SNX3: variants seen among roughly 807,000 people sequenced by gnomAD.
SNX3 encodes the protein sorting nexin-3.
Under a neutral mutation model 17.7 loss-of-function variants are expected in SNX3, and 5 were observed. The observed-to-expected ratio is 0.28, with a 90% CI of 0.15 to 0.59. SNX3 has a LOEUF of 0.59. Ranked by LOEUF, SNX3 falls within the 20% of genes least tolerant of loss-of-function variation. SNX3 has a pLI of 0.88. For missense variants in SNX3, 132 were observed against 206.8 expected (o/e 0.64, Z 2.22); for synonymous variants, 91 against 76.5 (o/e 1.19, Z -0.99).
At chr6:108,243,513 C>T (rs1352405990) in intron 1 of SNX3, among the ~76,000 whole-genome samples, 1 of 152,126 alleles carries the variant, frequency 6.6e-6, no homozygotes, top group African/African-American at 2.4e-5. Context: ...GTGTGACATG[C>T]CTCCTTCAAA....
At chr6:108,229,873 A>C (rs1397721901) in intron 1 of SNX3, among the ~76,000 whole-genome samples, 1 of 152,204 alleles carries the variant, frequency 6.6e-6, no homozygotes, top group African/African-American at 2.4e-5. Context: ...ACTACCTGTG[A>C]GCATCAGGAG....
At position 108,260,989 on chromosome 6, in the gene SNX3, C is replaced by T. The variant is rs1022917915; in HGVS notation, c.-68G>A. On this transcript the variant is annotated 5_prime_UTR_variant, in exon 1 of 4. Coordinates refer to ENST00000230085, the MANE Select transcript of SNX3 (RefSeq NM_003795.6). Reference sequence around the variant, plus strand: ...CTCCGCGTTCAGCCGCCGCCGCCGCCGCTGCTGCCCGCCGTGGGGACACGG... The same window carrying T: ...CTCCGCGTTCAGCCGCCGCCGCCGCTGCTGCTGCCCGCCGTGGGGACACGG... The T allele has an allele frequency of 1.5e-4, 196 of 1,283,602 alleles. No individual in the cohort carries two copies. Among genetic ancestry groups the T allele is most frequent in the Admixed American group, 4.0e-4 (11 of 27,522 alleles). The allele number at this position is 1,283,602 out of a possible 1,614,324, so 79.5% of individuals were successfully genotyped here. A position where few individuals can be genotyped will look rare whatever the true frequency, so the allele number is the denominator to read the frequency against.
At chr6:108,222,182 C>G (rs183614747) in intron 2 of SNX3, 1 of 1,297,074 alleles carries the variant, frequency 7.7e-7, no homozygotes, top group African/African-American at 1.5e-5. Context: ...TGAGTACAGA[C>G]TAGCCTTCAT....
At chr6:108,220,685 GAT>G (rs1241636613) in intron 2 of SNX3, among the ~76,000 whole-genome samples, 1 of 152,054 alleles carries the variant, frequency 6.6e-6, no homozygotes, top group East Asian at 1.9e-4. Flanking sequence ...ATAGCCTTAA[GAT>G]ATGTTTTGGG....
intron 2 of SNX3, among the ~76,000 whole-genome samples, chr6:108,219,923 A>G (rs971805111): frequency 3.3e-5 from 5 of 152,160 alleles, no homozygotes; most frequent in Non-Finnish European, 2.9e-5. Flanking sequence ...AAAAATTCCT[A>G]TTGCCTAGAG....
At chr6:108,259,359 G>A (rs1329745019) in intron 1 of SNX3, among the ~76,000 whole-genome samples, 3 of 152,240 alleles carry the variant, frequency 2.0e-5, no homozygotes, top group East Asian at 1.9e-4. Flanking sequence ...TCAGCCTCCC[G>A]AGTAGCTGGG....
chr6:108,214,939 T>C (rs543780594), intron 2 of SNX3, among the ~76,000 whole-genome samples: 23 of 152,302 alleles, frequency 1.5e-4, no homozygotes, highest in African/African-American at 5.1e-4. Flanking sequence ...CCTCAGACAC[T>C]TGTGATGCCA....
intron 1 of SNX3, among the ~76,000 whole-genome samples, chr6:108,254,130 G>GAA (rs36069364): frequency 7.3e-6 from 1 of 137,398 alleles, no homozygotes. Flanking sequence ...CCGTCTCAAA[G>GAA]AAAAAAAAAA....
At chr6:108,240,044 A>C (rs1775469365) in intron 1 of SNX3, among the ~76,000 whole-genome samples, 1 of 152,216 alleles carries the variant, frequency 6.6e-6, no homozygotes, top group African/African-American at 2.4e-5. Flanking sequence ...GGAATAGTAG[A>C]GTGAGCTCAA....
At chr6:108,214,453 G>C in intron 3 of SNX3, 45 bp downstream of exon 3, 1 of 1,583,594 alleles carries the variant, frequency 6.3e-7, no homozygotes, top group Admixed American at 1.9e-5. Context: ...ACTACAAGTA[G>C]TCACTTAAAG....
chr6:108,222,448 T>A, intron 2 of SNX3: 1 of 833,672 alleles, frequency 1.2e-6, no homozygotes, highest in South Asian at 1.6e-5. Flanking sequence ...AACCCATTAG[T>A]GGATCATGGC....
At chr6:108,223,094 C>A in intron 1 of SNX3, 49 bp from the exon 2 acceptor site, 1 of 971,828 alleles carries the variant, frequency 1.0e-6, no homozygotes, top group Non-Finnish European at 1.6e-6. Context: ...AAGGAAACTT[C>A]AAAAAAATGG....
chr6:108,259,297 G>C (rs1051286828), intron 1 of SNX3, among the ~76,000 whole-genome samples: 2 of 152,168 alleles, frequency 1.3e-5, no homozygotes, highest in Admixed American at 6.5e-5. Context: ...GCAATGGCCC[G>C]ATCTAGGCTC....
At chr6:108,217,071 T>C (rs1030856681) in intron 2 of SNX3, among the ~76,000 whole-genome samples, 1 of 152,078 alleles carries the variant, frequency 6.6e-6, no homozygotes, top group East Asian at 1.9e-4. Flanking sequence ...TCTACACAAT[T>C]ATTATTTAAA....
At chr6:108,225,448 C>T (rs940546863) in intron 1 of SNX3, among the ~76,000 whole-genome samples, 2 of 151,584 alleles carry the variant, frequency 1.3e-5, no homozygotes, top group African/African-American at 2.4e-5. Flanking sequence ...CTGGCTAATA[C>T]GGTGAAACCC....
chr6:108,260,537 T>C (rs754714175), intron 1 of SNX3, among the ~76,000 whole-genome samples: 9 of 152,204 alleles, frequency 5.9e-5, no homozygotes, highest in Non-Finnish European at 1.2e-4. Context: ...CGCCCTCCTC[T>C]TCGAGCACCT....
intron 1 of SNX3, among the ~76,000 whole-genome samples, chr6:108,234,220 A>C (rs1313272890): frequency 6.8e-6 from 1 of 147,966 alleles, no homozygotes; most frequent in Non-Finnish European, 1.5e-5. Context: ...TCAAGGCAAA[A>C]TTAAAATATA....
chr6:108,216,276 C>A (rs942196327), intron 2 of SNX3, among the ~76,000 whole-genome samples: 1 of 152,206 alleles, frequency 6.6e-6, no homozygotes, highest in Non-Finnish European at 1.5e-5. Flanking sequence ...GATGGTGTTT[C>A]ACTGTGTTGG....
intron 1 of SNX3, among the ~76,000 whole-genome samples, chr6:108,246,331 T>A (rs1392983928): frequency 2.3e-5 from 3 of 131,304 alleles, no homozygotes; most frequent in South Asian, 5.7e-4. Flanking sequence ...TTTTTTTTTT[T>A]TTTTTTTTTT....
Sources: allele counts gnomAD v4.1 joint callset (sites outside exome capture counted in the v4.1 genomes callset), GRCh38; gene constraint gnomAD v4.1.1; transcripts MANE v1.5; gene names NCBI Gene and HGNC (gene_info 2026-07-23, HGNC 2026-07-21).